The following ABLIM2 variants were observed in gnomAD, a reference collection of about 807,000 sequenced individuals.
The protein encoded by ABLIM2 is actin binding LIM protein family member 2.
In ABLIM2, 53 loss-of-function variants were observed where a neutral mutation model predicts 97.7. The ratio of observed to expected loss-of-function variants is 0.54; its 90% CI spans 0.44 to 0.68. The LOEUF is 0.68. ABLIM2 is among the 30% of genes least tolerant of loss of function. The probability of loss-of-function intolerance (pLI) is 0.00; values close to 1 mark genes in which losing one functional copy is unlikely to be tolerated. For missense variants in ABLIM2, 835 were observed against 867.2 expected (o/e 0.96, Z 0.47); for synonymous variants, 361 against 345.8 (o/e 1.04, Z -0.49).
At chr4:8,135,341 A>G (rs187065412) in intron 1 of ABLIM2, among the ~76,000 whole-genome samples, 18 of 152,328 alleles carry the variant, frequency 1.2e-4, no homozygotes, top group Non-Finnish European at 1.5e-4. Context: ...TGCTATCGAT[A>G]GGTACTAATG....
chr4:8,048,268 T>A (rs1026516349), intron 8 of ABLIM2, among the ~76,000 whole-genome samples: 4 of 152,126 alleles, frequency 2.6e-5, no homozygotes, highest in Non-Finnish European at 4.4e-5. Context: ...CGCACAAAGG[T>A]GCTTGGCAAT....
chr4:8,079,519 G>A (rs542726979), intron 5 of ABLIM2, among the ~76,000 whole-genome samples: 102 of 152,270 alleles, frequency 6.7e-4, no homozygotes, highest in African/African-American at 2.2e-3. Flanking sequence ...CCTCACCCTG[G>A]GTGCAAGCTC....
chr4:7,991,455 C>T (rs1252902754), intron 17 of ABLIM2, among the ~76,000 whole-genome samples: 1 of 152,162 alleles, frequency 6.6e-6, no homozygotes, highest in African/African-American at 2.4e-5. Flanking sequence ...AACAGCTGTT[C>T]CAGGTGAGAA....
intron 1 of ABLIM2, among the ~76,000 whole-genome samples, chr4:8,158,421 A>G (rs1716124706): frequency 6.6e-6 from 1 of 152,114 alleles, no homozygotes; most frequent in South Asian, 2.1e-4. Flanking sequence ...GGCGCCTTCC[A>G]GACATCCTGG....
rs562095502 is a variant in ABLIM2, at chr4:8,105,040, C to T, written c.154+1454G>A. ...AGACCCTGGCCCAGGGCTGCAGACACGCCTGGAATGCAAACCCTGGGCAAG... is the reference window on the plus strand; with the variant it reads ...AGACCCTGGCCCAGGGCTGCAGACATGCCTGGAATGCAAACCCTGGGCAAG... On this transcript the variant is annotated intron_variant, in intron 2 of 20. Transcript: ENST00000447017. Among the ~76,000 whole-genome samples, 5 of 152,304 alleles carry T rather than the reference C, an allele frequency of 3.3e-5. No homozygotes were observed. The East Asian group carries it at 7.7e-4, about 24-fold the overall frequency.
At position 8,158,701 on chromosome 4, in the gene ABLIM2, C is replaced by A; in HGVS notation, c.-12G>T. ...CCACCTGCACTCATCTCAGCAGCCG[C>A]TCGGAGTCGGGGCGGCCCGGCGCTG... is the stretch of plus-strand genomic sequence containing the variant. On this transcript the variant is annotated 5_prime_UTR_variant, in exon 1 of 21. Transcript: ENST00000447017. 6.9e-7 allele frequency: 1 copy of A among 1,459,408 alleles called. No homozygotes were observed. The highest frequency in any genetic ancestry group is 1.5e-5 in the African/African-American group (1 of 68,352). The allele number at this position is 1,459,408 out of a possible 1,614,324, so 90.4% of individuals were successfully genotyped here. A position where few individuals can be genotyped will look rare whatever the true frequency, so the allele number is the denominator to read the frequency against.
Position 7,992,440 on chromosome 4 carries a change from G to C in ABLIM2, c.1680+426C>G, listed in dbSNP as rs1411215013. 1.3e-5 allele frequency among the ~76,000 whole-genome samples: 2 copies of C among 152,198 alleles called. No individual in the cohort carries two copies. Among genetic ancestry groups the C allele is most frequent in the Non-Finnish European group, 2.9e-5 (2 of 68,032 alleles). On this transcript the variant is annotated intron_variant, in intron 17 of 20. Coordinates refer to ENST00000447017, the MANE Select transcript of ABLIM2 (RefSeq NM_001130083.2). The surrounding 1 kb of genome is among the most constrained non-coding windows in gnomAD (Gnocchi z 5.7). ...TCATCACGGTAACAGTAATAGCAGG[G>C]AAGGCCAGGGCATCCCCGAGAAGGA...
chr4:8,152,139 C>G (rs1478276152), intron 1 of ABLIM2, among the ~76,000 whole-genome samples: 2 of 152,126 alleles, frequency 1.3e-5, no homozygotes, highest in Admixed American at 6.5e-5. Context: ...CATGATGCCC[C>G]CAAACGGGCC....
chr4:8,096,150 T>C (rs1363398337), intron 3 of ABLIM2, among the ~76,000 whole-genome samples: 1 of 152,150 alleles, frequency 6.6e-6, no homozygotes, highest in Non-Finnish European at 1.5e-5. Context: ...GCTGGGGCAA[T>C]CACAGGCCTC....
At chr4:8,115,954 C>T (rs951053897) in intron 1 of ABLIM2, among the ~76,000 whole-genome samples, 1 of 152,188 alleles carries the variant, frequency 6.6e-6, no homozygotes, top group African/African-American at 2.4e-5. Context: ...GCATGGAGCC[C>T]ACATGCCGCT....
intron 15 of ABLIM2, among the ~76,000 whole-genome samples, chr4:8,008,496 T>C (rs1320806273): frequency 6.6e-6 from 1 of 152,208 alleles, no homozygotes; most frequent in Admixed American, 6.5e-5. Flanking sequence ...ACGGGGAGAA[T>C]GAGGGCTGCT....
chr4:8,028,834 G>T (rs1421626264), intron 11 of ABLIM2, among the ~76,000 whole-genome samples: 2 of 152,224 alleles, frequency 1.3e-5, no homozygotes, highest in Admixed American at 6.5e-5. Context: ...CACATTGCAA[G>T]GAGTCAATGG....
intron 7 of ABLIM2, among the ~76,000 whole-genome samples, chr4:8,055,248 C>A (rs966647138): frequency 6.6e-6 from 1 of 152,230 alleles, no homozygotes; most frequent in African/African-American, 2.4e-5. Flanking sequence ...CTCTGCCCAC[C>A]TTCCCATCCT....
At chr4:8,080,469 G>T (rs1819059744) in intron 5 of ABLIM2, among the ~76,000 whole-genome samples, 1 of 152,210 alleles carries the variant, frequency 6.6e-6, no homozygotes, top group Admixed American at 6.5e-5. Context: ...AGCCAGGGCT[G>T]GCCAGGGAAG....
intron 6 of ABLIM2, among the ~76,000 whole-genome samples, chr4:8,077,011 TTG>T (rs1816647454): frequency 6.3e-5 from 4 of 63,798 alleles, no homozygotes; most frequent in African/African-American, 2.0e-4. Context: ...AGGATGGGGG[TTG>T]GGGGTCTGTG....
At chr4:8,145,763 C>T (rs973048475) in intron 1 of ABLIM2, among the ~76,000 whole-genome samples, 13 of 148,980 alleles carry the variant, frequency 8.7e-5, no homozygotes, top group African/African-American at 3.2e-4. Context: ...CACACACACA[C>T]ACACACACAC....
Position 8,092,664 on chromosome 4 carries a change from T to C in ABLIM2, c.339-4380A>G, listed in dbSNP as rs537910518. Among the ~76,000 whole-genome samples, 624 of 152,204 alleles carry C rather than the reference T, an allele frequency of 4.1e-3. 5 individuals carry two copies. The highest frequency in any genetic ancestry group is 0.012 in the African/African-American group (498 of 41,520). ...CCCCTTTTTTCTCTCCTTCTTGCTC[T>C]TTCCCCCTTAAACACTGAAGTGTCC... On this transcript the variant is annotated intron_variant, in intron 3 of 20. Coordinates refer to ENST00000447017, the MANE Select transcript of ABLIM2 (RefSeq NM_001130083.2).
chr4:8,137,013 T>G (rs1850284133), intron 1 of ABLIM2, among the ~76,000 whole-genome samples: 1 of 152,144 alleles, frequency 6.6e-6, no homozygotes, highest in African/African-American at 2.4e-5. Flanking sequence ...TCCCCTTCCA[T>G]AGGAGGACAC....
rs182822759 is a variant in ABLIM2, at chr4:8,003,079, C to A, written c.1618+4980G>T. On this transcript the variant is annotated intron_variant, in intron 16 of 20. Coordinates refer to ENST00000447017, the MANE Select transcript of ABLIM2 (RefSeq NM_001130083.2). The surrounding 1 kb of genome is among the most constrained non-coding windows in gnomAD (Gnocchi z 4.2). ...GTTTTGGCCTCTGCTCTGTCCCCAG[C>A]ACCCAGGACAGCACCGGAACACACC... Among the ~76,000 whole-genome samples, 215 of 152,314 alleles carry A rather than the reference C, an allele frequency of 1.4e-3. No homozygotes were observed. Among genetic ancestry groups the A allele is most frequent in the African/African-American group, 4.6e-3 (191 of 41,570 alleles).
Sources: allele counts gnomAD v4.1 joint callset (sites outside exome capture counted in the v4.1 genomes callset), GRCh38; gene constraint gnomAD v4.1.1; non-coding constraint Gnocchi (gnomAD v3.1); transcripts MANE v1.5; gene names NCBI Gene and HGNC (gene_info 2026-07-23, HGNC 2026-07-21).